Variants in APH1B observed in about 807,000 individuals in gnomAD.
The protein encoded by APH1B is gamma-secretase subunit APH-1B.
A neutral mutation model predicts 28.2 loss-of-function variants in APH1B; 27 were observed. The observed-to-expected ratio is 0.96, with a 90% CI of 0.70 to 1.32. The LOEUF is 1.32. Among genes scored for constraint, APH1B ranks in the 40% most tolerant of loss-of-function variants. The probability of loss-of-function intolerance (pLI) is 0.00; values close to 1 mark genes in which losing one functional copy is unlikely to be tolerated. For synonymous variants in APH1B, 141 were observed against 124.6 expected (o/e 1.13, Z -0.88); for missense variants, 305 against 313.6 (o/e 0.97, Z 0.21).
Position 63,286,560 on chromosome 15 carries a change from A to G in APH1B, c.287A>G (p.Lys96Arg), listed in dbSNP as rs2038448333. ...TTACATGTGTGGTTTTATTTTAGAA[A>G]AGCCAGTGAAGGTTTGAAGAGTATA... ...FRFAYYKLLK[K>R]ASEGLKSINP... The change falls in exon 3 of 6, where the codon AAA (lysine) becomes AGA (arginine). Residue 96 changes from lysine (K) to arginine (R), a missense_variant and splice_region_variant. Coordinates refer to ENST00000261879, the MANE Select transcript of APH1B (RefSeq NM_031301.4). 2 of 1,588,092 alleles carry G rather than the reference A, an allele frequency of 1.3e-6. No individual in the cohort carries two copies. The highest frequency in any genetic ancestry group is 1.7e-6 in the Non-Finnish European group (2 of 1,172,134).
rs1013005402 is a variant in APH1B, at chr15:63,309,055, A to G, written c.*3274A>G. Reference sequence around the variant, plus strand: ...TGCAATATCAGACCTTGCATTCAATATACAATGCAATTGACTCTTTGCAGA... The same window carrying G: ...TGCAATATCAGACCTTGCATTCAATGTACAATGCAATTGACTCTTTGCAGA... On this transcript the variant is annotated 3_prime_UTR_variant, in exon 6 of 6. Transcript: ENST00000261879. 1 of 152,206 alleles carries G rather than the reference A, an allele frequency of 6.6e-6. No individual in the cohort carries two copies. The highest frequency in any genetic ancestry group is 2.4e-5 in the African/African-American group (1 of 41,450). 9.4% of individuals were successfully genotyped at this position (152,206 alleles called of 1,614,324 possible).
At chr15:63,292,563 A>T (rs993815038) in intron 4 of APH1B, among the ~76,000 whole-genome samples, 2 of 150,850 alleles carry the variant, frequency 1.3e-5, no homozygotes, top group African/African-American at 2.4e-5. Flanking sequence ...TAATTTTTGT[A>T]TTTTTTGTGG....
At chr15:63,278,422 C>G (rs1366529250) in intron 1 of APH1B, 1 of 452,066 alleles carries the variant, frequency 2.2e-6, no homozygotes, top group African/African-American at 2.0e-5. Flanking sequence ...ACCACATCCC[C>G]CCTCCTCTGA....
chr15:63,278,363 C>T (rs1230584499), intron 1 of APH1B: 2 of 456,530 alleles, frequency 4.4e-6, no homozygotes, highest in African/African-American at 2.0e-5. Flanking sequence ...TGGTAAATAC[C>T]GGACTCTGGT....
intron 4 of APH1B, among the ~76,000 whole-genome samples, chr15:63,290,753 T>C (rs1025981464): frequency 1.3e-5 from 2 of 152,216 alleles, no homozygotes; most frequent in Non-Finnish European, 2.9e-5. Flanking sequence ...GCCATGCAAG[T>C]GCAAGGACGA....
Position 63,306,002 on chromosome 15 carries a change from C to A in APH1B, c.*221C>A. ...AGAATCACCTGGGACAGTGTAAAGC[C>A]GACTGATTCTGGGCTCCACCTTCCA... On this transcript the variant is annotated 3_prime_UTR_variant, in exon 6 of 6. Transcript: ENST00000261879. 3.8e-6 allele frequency: 2 copies of A among 533,320 alleles called. No homozygotes were observed. Among genetic ancestry groups the A allele is most frequent in the Non-Finnish European group, 6.3e-6 (2 of 319,212 alleles). 33.0% of individuals were successfully genotyped at this position (533,320 alleles called of 1,614,324 possible).
chr15:63,290,956 G>A (rs750975999), intron 4 of APH1B, among the ~76,000 whole-genome samples: 3 of 150,946 alleles, frequency 2.0e-5, no homozygotes, highest in Non-Finnish European at 2.9e-5. Context: ...AGAGAAAGAT[G>A]TTCGAGGCAG....
Position 63,277,709 on chromosome 15 carries a change from C to T in APH1B, c.86C>T (p.Pro29Leu), listed in dbSNP as rs549467454. The T allele has an allele frequency of 1.9e-6, 3 of 1,611,428 alleles. No homozygotes were observed. Among genetic ancestry groups the T allele is most frequent in the Non-Finnish European group, 2.5e-6 (3 of 1,178,852 alleles). The change falls in exon 1 of 6, where the codon CCG becomes CTG. Residue 29 changes from proline to leucine, a missense_variant. By Grantham distance (98) the Pro-to-Leu change is moderately conservative (BLOSUM62 -3). Transcript: ENST00000261879. ...ALYVFTIATE[P>L]LRIIFLIAGA... ...TATGTCTTCACCATCGCCACCGAGC[C>T]GTTGCGTATCATCTTCCTCATCGCC...
chr15:63,288,222 T>C (rs2038467768), intron 4 of APH1B, among the ~76,000 whole-genome samples: 1 of 152,222 alleles, frequency 6.6e-6, no homozygotes, highest in Non-Finnish European at 1.5e-5. Context: ...TCATGATTTG[T>C]ATCTTCTTTT....
intron 4 of APH1B, among the ~76,000 whole-genome samples, chr15:63,301,037 A>T (rs2038621869): frequency 6.6e-6 from 1 of 152,210 alleles, no homozygotes; most frequent in South Asian, 2.1e-4. Context: ...CTGAAACTTG[A>T]CCGTGCCTCA....
chr15:63,277,867 G>A, intron 1 of APH1B, 131 bp downstream of exon 1: 1 of 869,846 alleles, frequency 1.1e-6, no homozygotes, highest in East Asian at 2.9e-5. Context: ...GTTGAGAGGG[G>A]GAGAGCGGAG....
chr15:63,294,129 A>G (rs2038538497), intron 4 of APH1B, among the ~76,000 whole-genome samples: 1 of 151,582 alleles, frequency 6.6e-6, no homozygotes, highest in Non-Finnish European at 1.5e-5. Flanking sequence ...TTGTAGCCAC[A>G]GTGAGCAGGA....
At chr15:63,286,689 T>G in intron 3 of APH1B, 61 bp downstream of exon 3, 1 of 1,439,824 alleles carries the variant, frequency 6.9e-7, no homozygotes, top group Admixed American at 2.1e-5. Context: ...AAAAGTCATT[T>G]GCATCTTTTG....
At chr15:63,279,830 T>C (rs541037036) in intron 2 of APH1B, among the ~76,000 whole-genome samples, 1 of 148,406 alleles carries the variant, frequency 6.7e-6, no homozygotes, top group South Asian at 2.1e-4. Flanking sequence ...GAGTTTTCGC[T>C]CCTGTTGCCC....
intron 4 of APH1B, among the ~76,000 whole-genome samples, chr15:63,296,728 G>C (rs2152599374): frequency 6.6e-6 from 1 of 151,194 alleles, no homozygotes; most frequent in African/African-American, 2.4e-5. Context: ...TGCCATCTTG[G>C]CTCACTGCAA....
chr15:63,284,937 A>G (rs1567027998), intron 2 of APH1B, among the ~76,000 whole-genome samples: 1 of 152,206 alleles, frequency 6.6e-6, no homozygotes, highest in Non-Finnish European at 1.5e-5. Context: ...ATATTTGTTG[A>G]CAGAGATTTT....
At chr15:63,289,668 C>G (rs1286235718) in intron 4 of APH1B, among the ~76,000 whole-genome samples, 1 of 152,114 alleles carries the variant, frequency 6.6e-6, no homozygotes, top group Non-Finnish European at 1.5e-5. Context: ...GTAAAATTAC[C>G]TTCAGTCTGT....
At chr15:63,281,676 C>A (rs1422785233) in intron 2 of APH1B, among the ~76,000 whole-genome samples, 1 of 151,922 alleles carries the variant, frequency 6.6e-6, no homozygotes. Flanking sequence ...TTCATGGTTT[C>A]CACCTGAAAT....
chr15:63,290,746 A>G (rs769493002), intron 4 of APH1B, among the ~76,000 whole-genome samples: 5 of 152,222 alleles, frequency 3.3e-5, no homozygotes, highest in Admixed American at 6.5e-5. Flanking sequence ...GTGCTAAGCC[A>G]TGCAAGTGCA....
Sources: gnomAD v4.1 joint callset for allele counts (sites outside exome capture counted in the v4.1 genomes callset) on GRCh38, gnomAD v4.1.1 for gene constraint, MANE v1.5 for transcripts, NCBI Gene and HGNC (gene_info 2026-07-23, HGNC 2026-07-21) for gene names.